RBM6: variants seen among roughly 807,000 people sequenced by gnomAD.
The protein encoded by RBM6 is RNA-binding protein 6.
RBM6 carries 23 observed loss-of-function variants against 140.4 expected under a neutral mutation model. The observed-to-expected ratio is 0.16, with a 90% CI of 0.12 to 0.23. The LOEUF is 0.23. Ranked by LOEUF, RBM6 falls within the 10% of genes least tolerant of loss-of-function variation. The pLI, the probability that RBM6 is intolerant of heterozygous loss-of-function variation, is 1.00. For missense variants in RBM6, 1,139 were observed against 1,386.7 expected (o/e 0.82, Z 2.84); for synonymous variants, 439 against 475.6 (o/e 0.92, Z 1.00).
chr3:49,973,668 C>G (rs62262136), intron 4 of RBM6, among the ~76,000 whole-genome samples: 10,101 of 149,234 alleles, frequency 0.068, 371 homozygotes, highest in Non-Finnish European at 0.076. Flanking sequence ...TCACTGCAAC[C>G]TCTGCCGCCA....
At chr3:49,941,665 A>C (rs1037082476) in intron 1 of RBM6, among the ~76,000 whole-genome samples, 1 of 138,728 alleles carries the variant, frequency 7.2e-6, no homozygotes, top group Admixed American at 7.2e-5. Flanking sequence ...AAAAAAAAAA[A>C]AAAAACCCGC....
intron 3 of RBM6, among the ~76,000 whole-genome samples, chr3:49,969,990 G>C (rs1268188565): frequency 6.6e-6 from 1 of 151,738 alleles, no homozygotes; most frequent in Non-Finnish European, 1.5e-5. Context: ...GCCTAGGCTG[G>C]AGTGCAGTGG....
At chr3:49,983,375 T>C (rs934415268) in intron 5 of RBM6, among the ~76,000 whole-genome samples, 1 of 152,068 alleles carries the variant, frequency 6.6e-6, no homozygotes, top group African/African-American at 2.4e-5. Flanking sequence ...GCGTGTAGTC[T>C]TAGCTACTCA....
intron 10 of RBM6, 84 bp from the exon 11 acceptor site, chr3:50,059,565 T>G: frequency 9.0e-7 from 1 of 1,107,252 alleles, no homozygotes. Context: ...AAATCCACGT[T>G]CACTTCTCTT....
At chr3:49,986,553 C>T (rs1264509678) in intron 5 of RBM6, among the ~76,000 whole-genome samples, 2 of 150,230 alleles carry the variant, frequency 1.3e-5, no homozygotes, top group Non-Finnish European at 3.0e-5. Flanking sequence ...CGAGATAGCG[C>T]CAATGCACTC....
chr3:49,982,262 CTTTTT>C lies in RBM6; in HGVS notation c.1483+6894_1483+6898del, dbSNP rs751604271. On this transcript the variant is annotated intron_variant, in intron 5 of 20. Coordinates refer to ENST00000266022, the MANE Select transcript of RBM6 (RefSeq NM_005777.3). ...GTACCTTCTGCATTTCTTTTCTTTT[CTTTTT>C]TTTTTTTTTTTTTTTTTTTTTTTGG... 9.2e-3 allele frequency among the ~76,000 whole-genome samples: 632 copies of C among 68,386 alleles called. 4 individuals are homozygous for C. The highest frequency in any genetic ancestry group is 0.035 in the African/African-American group (591 of 16,758). 44.9% of individuals were successfully genotyped at this position (68,386 alleles called of 152,430 possible). A position where few individuals can be genotyped will look rare whatever the true frequency, so the allele number is the denominator to read the frequency against.
intron 19 of RBM6, among the ~76,000 whole-genome samples, chr3:50,072,091 A>G (rs1247828816): frequency 1.4e-5 from 2 of 147,538 alleles, no homozygotes; most frequent in African/African-American, 5.0e-5. Context: ...CTCAAAAAAA[A>G]AAAAAAAAAA....
chr3:49,951,198 C>T (rs1239405620), intron 1 of RBM6, among the ~76,000 whole-genome samples: 4 of 152,212 alleles, frequency 2.6e-5, no homozygotes, highest in Non-Finnish European at 4.4e-5. Flanking sequence ...GATGAATCAG[C>T]AGTTACTATT....
chr3:50,016,498 G>A (rs901602787), intron 6 of RBM6, among the ~76,000 whole-genome samples: 4 of 115,704 alleles, frequency 3.5e-5, no homozygotes, highest in East Asian at 5.2e-4. Context: ...GGTGATTCTC[G>A]TTTTAGTTTT....
intron 3 of RBM6, 46 bp from the exon 4 acceptor site, chr3:49,972,013 T>C (rs781546945): frequency 1.5e-5 from 21 of 1,375,940 alleles, no homozygotes; most frequent in African/African-American, 2.9e-5. Flanking sequence ...TTGTGTTTTG[T>C]GCAGTAAAGT....
chr3:49,942,285 C>T (rs527816013), intron 1 of RBM6, among the ~76,000 whole-genome samples: 22 of 147,628 alleles, frequency 1.5e-4, no homozygotes, highest in African/African-American at 5.5e-4. Context: ...GTCAGGAGAT[C>T]GAGACCATCC....
chr3:50,006,833 T>C lies in RBM6; in HGVS notation c.1557+7320T>C, dbSNP rs182796823. ...CTGTAGTCCCAGCTACTTGGGAGGCTGAGGCAGGAGAATGGCGTGAACTGG... is the reference window on the plus strand; with the variant it reads ...CTGTAGTCCCAGCTACTTGGGAGGCCGAGGCAGGAGAATGGCGTGAACTGG... On this transcript the variant is annotated intron_variant, in intron 6 of 20. Coordinates refer to ENST00000266022, the MANE Select transcript of RBM6 (RefSeq NM_005777.3). 6.1e-3 allele frequency among the ~76,000 whole-genome samples: 915 copies of C among 150,958 alleles called. 10 individuals are homozygous for C. Among genetic ancestry groups the C allele is most frequent in the African/African-American group, 0.021 (864 of 41,048 alleles).
intron 6 of RBM6, among the ~76,000 whole-genome samples, chr3:50,035,715 G>A (rs976090081): frequency 3.3e-5 from 5 of 151,800 alleles, no homozygotes; most frequent in Admixed American, 1.3e-4. Context: ...ACTTCAGCAT[G>A]CTTCCTAATA....
chr3:50,041,686 CT>C (rs1169855524), intron 6 of RBM6, among the ~76,000 whole-genome samples: 1 of 152,186 alleles, frequency 6.6e-6, no homozygotes, highest in African/African-American at 2.4e-5. Context: ...TAGTAGCACT[CT>C]TTATCTTAGA....
At chr3:49,951,949 C>G (rs1282469427) in intron 1 of RBM6, among the ~76,000 whole-genome samples, 3 of 151,858 alleles carry the variant, frequency 2.0e-5, no homozygotes, top group African/African-American at 7.3e-5. Flanking sequence ...TCTTGATCTC[C>G]TGATCTTGTG....
chr3:49,995,032 G>T (rs973824281), intron 5 of RBM6, among the ~76,000 whole-genome samples: 2 of 152,122 alleles, frequency 1.3e-5, no homozygotes, highest in East Asian at 1.9e-4. Context: ...TCAGTATCTC[G>T]TGAGTCAGCT....
intron 5 of RBM6, among the ~76,000 whole-genome samples, chr3:49,988,654 T>C (rs2085677318): frequency 1.3e-5 from 2 of 152,202 alleles, no homozygotes; most frequent in African/African-American, 4.8e-5. Context: ...GTAGTGAGTT[T>C]TCATAATTAT....
chr3:49,949,368 A>G (rs982017510), intron 1 of RBM6, among the ~76,000 whole-genome samples: 1 of 151,842 alleles, frequency 6.6e-6, no homozygotes, highest in African/African-American at 2.4e-5. Flanking sequence ...CAGAGAGGAA[A>G]ATCCTTCAGG....
At position 49,967,302 on chromosome 3, in the gene RBM6, TAAAA is replaced by T. The variant is rs1228937269; in HGVS notation, c.45-167_45-164del. ...AAAAGTTTACTCCGCCACTTCGTCT[TAAAA>T]TAGCAAAACTTTGCTGTTTTCTGCA... is the stretch of plus-strand genomic sequence containing the variant. On this transcript the variant is annotated intron_variant, in intron 2 of 20. Coordinates refer to ENST00000266022, the MANE Select transcript of RBM6 (RefSeq NM_005777.3). The surrounding 1 kb of genome is among the most constrained non-coding windows in gnomAD (Gnocchi z 4.0). 1 of 1,405,018 alleles carries T rather than the reference TAAAA, an allele frequency of 7.1e-7. No homozygotes were observed. Among genetic ancestry groups the T allele is most frequent in the Non-Finnish European group, 9.2e-7 (1 of 1,081,354 alleles). 87.0% of individuals were successfully genotyped at this position (1,405,018 alleles called of 1,614,324 possible).
Sources: gnomAD v4.1 joint callset for allele counts (sites outside exome capture counted in the v4.1 genomes callset) on GRCh38, gnomAD v4.1.1 for gene constraint, Gnocchi (gnomAD v3.1) non-coding constraint, MANE v1.5 for transcripts, NCBI Gene and HGNC (gene_info 2026-07-23, HGNC 2026-07-21) for gene names.